Variants in NAA38 observed in about 807,000 individuals in gnomAD.
NAA38 encodes the protein LSM domain containing 1.
A neutral mutation model predicts 12.6 loss-of-function variants in NAA38; 15 were observed. The ratio of observed to expected loss-of-function variants is 1.19; its 90% CI spans 0.79 to 1.83. The LOEUF is 1.83. Ranked by LOEUF, NAA38 falls within the 40% of genes most tolerant of loss-of-function variation. The probability of loss-of-function intolerance (pLI) is 0.00; values close to 1 mark genes in which losing one functional copy is unlikely to be tolerated. For synonymous variants in NAA38, 88 were observed against 69.9 expected (o/e 1.26, Z -1.29); for missense variants, 183 against 171.7 (o/e 1.07, Z -0.37).
chr17:7,859,585 C>A (rs944376227), upstream of NAA38: 4 of 1,614,128 alleles, frequency 2.5e-6, no homozygotes, highest in Non-Finnish European at 3.4e-6. Context: ...TACTTCTGTA[C>A]TTCAATGATG....
At chr17:7,884,671 TGAG>T (rs1357899399) in intron 1 of NAA38, 120 of 250,564 alleles carry the variant, frequency 4.8e-4, no homozygotes, top group South Asian at 8.8e-4. Flanking sequence ...GGGGAGGCGG[TGAG>T]GAGGAGGAGG....
upstream of NAA38, chr17:7,857,867 C>T (rs2151384919): frequency 7.2e-7 from 1 of 1,383,088 alleles, no homozygotes; most frequent in Non-Finnish European, 9.4e-7. Flanking sequence ...CACCCCGCAA[C>T]TCCTGAAAGC....
chr17:7,881,259 T>A (rs1335004138), intron 2 of NAA38, among the ~76,000 whole-genome samples: 1 of 75,306 alleles, frequency 1.3e-5, no homozygotes, highest in Non-Finnish European at 2.9e-5. Context: ...GTACTACCTA[T>A]TTAGAAGTTA....
At chr17:7,884,934 A>C (rs1416173589) in intron 1 of NAA38, 12 of 1,327,316 alleles carry the variant, frequency 9.0e-6, no homozygotes, top group Non-Finnish European at 1.1e-5. Context: ...GACGAGGACG[A>C]TGAGGAGGAC....
At chr17:7,867,663 T>G (rs1967012716) in intron 2 of NAA38, among the ~76,000 whole-genome samples, 1 of 152,110 alleles carries the variant, frequency 6.6e-6, no homozygotes, top group African/African-American at 2.4e-5. Context: ...GAGAATCACA[T>G]GATCAGATTT....
intron 2 of NAA38, among the ~76,000 whole-genome samples, chr17:7,882,099 T>C (rs1050706631): frequency 2.6e-5 from 4 of 151,760 alleles, no homozygotes; most frequent in African/African-American, 7.3e-5. Flanking sequence ...TAAGGCAAAT[T>C]AGCAAATCCA....
intron 2 of NAA38, among the ~76,000 whole-genome samples, chr17:7,870,206 G>A (rs1190012647): frequency 6.6e-6 from 1 of 152,106 alleles, no homozygotes; most frequent in Admixed American, 6.5e-5. Context: ...TTACTGCAGT[G>A]AGCTGAGATC....
intron 2 of NAA38, among the ~76,000 whole-genome samples, chr17:7,878,604 T>C (rs1967216933): frequency 6.6e-6 from 1 of 152,086 alleles, no homozygotes; most frequent in Admixed American, 6.6e-5. Context: ...CACGCGCCTG[T>C]AATCCCAGCT....
At chr17:7,858,999 G>C, upstream of NAA38, 1 of 596,910 alleles carries the variant, frequency 1.7e-6, no homozygotes, top group Non-Finnish European at 2.8e-6. Flanking sequence ...GGAATTCTAG[G>C]AGTGTCTGGG....
chr17:7,858,664 G>A (rs1387085075), upstream of NAA38: 21 of 1,609,996 alleles, frequency 1.3e-5, no homozygotes, highest in Non-Finnish European at 1.8e-5. Context: ...CCGCGGGGCC[G>A]CTTTGTGCAC....
upstream of NAA38, chr17:7,862,926 G>C (rs1445783011): frequency 6.6e-6 from 1 of 152,070 alleles, no homozygotes; most frequent in Non-Finnish European, 1.5e-5. Context: ...GATTTATAAG[G>C]GGGAGGGAAG....
At chr17:7,884,739 T>C in intron 1 of NAA38, 3 of 98,194 alleles carry the variant, frequency 3.1e-5, no homozygotes, top group Non-Finnish European at 3.5e-5. Flanking sequence ...GAGGAGGTGG[T>C]GGTGGTAGCG....
At chr17:7,864,526 G>A (rs1041665192) in intron 3 of NAA38, 5 of 152,030 alleles carry the variant, frequency 3.3e-5, no homozygotes, top group South Asian at 2.1e-4. Flanking sequence ...CAAACTCCTC[G>A]CCTCAAGCAA....
chr17:7,864,986 TAA>T (rs1023649057), intron 3 of NAA38: 1 of 152,186 alleles, frequency 6.6e-6, no homozygotes, highest in Admixed American at 6.5e-5. Flanking sequence ...TGTAGGCATG[TAA>T]AAGTTTCCGA....
chr17:7,866,115 C>T, intron 3 of NAA38: 1 of 134,268 alleles, frequency 7.4e-6, no homozygotes, highest in East Asian at 2.4e-4. Context: ...GAGACGGAGT[C>T]TCGCTCTGTT....
At chr17:7,874,864 A>C (rs897734872) in intron 2 of NAA38, among the ~76,000 whole-genome samples, 2 of 143,856 alleles carry the variant, frequency 1.4e-5, no homozygotes, top group African/African-American at 5.3e-5. Flanking sequence ...CAGCCTCGGC[A>C]ATAAGAGCAA....
upstream of NAA38, chr17:7,858,081 T>A: frequency 6.2e-7 from 1 of 1,606,124 alleles, no homozygotes; most frequent in South Asian, 1.1e-5. Context: ...AGTGAGTACG[T>A]GCTGAGGAGC....
intron 2 of NAA38, among the ~76,000 whole-genome samples, chr17:7,871,937 G>A (rs576380459): frequency 6.6e-6 from 1 of 152,282 alleles, no homozygotes; most frequent in Non-Finnish European, 1.5e-5. Flanking sequence ...TGGCAGGCGT[G>A]AGCCACCAAG....
intron 1 of NAA38, chr17:7,884,890 CGACGAG>C (rs1967501233): frequency 2.3e-6 from 3 of 1,297,700 alleles, no homozygotes; most frequent in Non-Finnish European, 3.0e-6. Context: ...AAGAAGAGGG[CGACGAG>C]GAGGAGGAGG....
Sources: gnomAD v4.1 joint callset for allele counts (sites outside exome capture counted in the v4.1 genomes callset) on GRCh38, gnomAD v4.1.1 for gene constraint, MANE v1.5 for transcripts, NCBI Gene and HGNC (gene_info 2026-07-23, HGNC 2026-07-21) for gene names.